DRC11: variants seen among roughly 807,000 people sequenced by gnomAD.
DRC11 encodes IQ and AAA domain-containing protein 1.
the DRC11 span, among the ~76,000 whole-genome samples, chr2:236,499,045 A>G: frequency 9.2e-5 from 14 of 152,186 alleles, no homozygotes; most frequent in African/African-American, 3.1e-4. The surrounding 1 kb of genome is among the most constrained non-coding windows in gnomAD (Gnocchi z 4.7). Context: ...GGGAGGGGGC[A>G]GCCCTAATCC....
the DRC11 span, among the ~76,000 whole-genome samples, chr2:236,359,498 T>C: frequency 6.6e-6 from 1 of 152,178 alleles, no homozygotes; most frequent in African/African-American, 2.4e-5. The surrounding 1 kb of genome is among the most constrained non-coding windows in gnomAD (Gnocchi z 4.3). Context: ...TTGCATTGTT[T>C]ACCCTCCCGA....
At chr2:236,369,422 T>C in the DRC11 span, among the ~76,000 whole-genome samples, 1 of 152,202 alleles carries the variant, frequency 6.6e-6, no homozygotes, top group Admixed American at 6.5e-5. The surrounding 1 kb of genome is among the most constrained non-coding windows in gnomAD (Gnocchi z 4.5). Flanking sequence ...TGGCTTCAGA[T>C]ACCACACTTT....
At chr2:236,465,732 A>G in the DRC11 span, 3 of 1,478,028 alleles carry the variant, frequency 2.0e-6, no homozygotes, top group Non-Finnish European at 2.8e-6. This position sits in a 1 kb window ranked among gnomAD's most constrained non-coding sequence, Gnocchi z 6.2. Flanking sequence ...TACAAGCAAC[A>G]AGGTTTGAGG....
At chr2:236,480,611 C>A in the DRC11 span, among the ~76,000 whole-genome samples, 1 of 152,158 alleles carries the variant, frequency 6.6e-6, no homozygotes, top group African/African-American at 2.4e-5. Flanking sequence ...ATTTCTCTGA[C>A]AAATTTCAAA....
the DRC11 span, among the ~76,000 whole-genome samples, chr2:236,362,383 GCCT>G: frequency 6.6e-6 from 1 of 152,010 alleles, no homozygotes; most frequent in Non-Finnish European, 1.5e-5. This position sits in a 1 kb window ranked among gnomAD's most constrained non-coding sequence, Gnocchi z 5.7. Flanking sequence ...CTTCTCCTCA[GCCT>G]CCTCAATGTG....
the DRC11 span, chr2:236,344,764 C>T: frequency 2.9e-6 from 2 of 695,342 alleles, no homozygotes; most frequent in East Asian, 5.4e-5. Context: ...CTGTGCTTCC[C>T]TCTGGGGTGT....
At chr2:236,338,155 G>C in the DRC11 span, 1 of 1,565,800 alleles carries the variant, frequency 6.4e-7, no homozygotes, top group Non-Finnish European at 8.7e-7. Flanking sequence ...GCACACAGTG[G>C]ACAGCCCAGC....
At chr2:236,465,994 C>T in the DRC11 span, among the ~76,000 whole-genome samples, 275 of 152,246 alleles carry the variant, frequency 1.8e-3, 1 homozygote, top group Middle Eastern at 3.4e-3. This position sits in a 1 kb window ranked among gnomAD's most constrained non-coding sequence, Gnocchi z 6.2. Flanking sequence ...ATTAAAAAAA[C>T]TCAATCTGAG....
At chr2:236,311,878 T>A in the DRC11 span, among the ~76,000 whole-genome samples, 1 of 151,944 alleles carries the variant, frequency 6.6e-6, no homozygotes, top group Non-Finnish European at 1.5e-5. This position sits in a 1 kb window ranked among gnomAD's most constrained non-coding sequence, Gnocchi z 6.9. Context: ...GCAGGTGGGG[T>A]TTGCAGAGGA....
At chr2:236,459,597 A>ATATACGTATATATGTATATACG in the DRC11 span, among the ~76,000 whole-genome samples, 1 of 135,322 alleles carries the variant, frequency 7.4e-6, no homozygotes, top group African/African-American at 2.8e-5. Context: ...ACGTATACGT[A>ATATACGTATATATGTATATACG]TACATATATA....
chr2:236,409,794 A>T, the DRC11 span, among the ~76,000 whole-genome samples: 1 of 151,996 alleles, frequency 6.6e-6, no homozygotes, highest in South Asian at 2.1e-4. Context: ...TCAATACCTA[A>T]TTTATTGAGA....
chr2:236,363,836 C>A, the DRC11 span: 1 of 1,613,958 alleles, frequency 6.2e-7, no homozygotes, highest in Non-Finnish European at 8.5e-7. This position sits in a 1 kb window ranked among gnomAD's most constrained non-coding sequence, Gnocchi z 5.6. Context: ...TATTTCCCAG[C>A]AATGTTAGAG....
chr2:236,469,209 A>G, the DRC11 span, among the ~76,000 whole-genome samples: 3 of 151,774 alleles, frequency 2.0e-5, no homozygotes, highest in Admixed American at 6.6e-5. This position sits in a 1 kb window ranked among gnomAD's most constrained non-coding sequence, Gnocchi z 5.8. Context: ...ACTTTTATTT[A>G]TTTATTTAGT....
At chr2:236,420,035 G>A in the DRC11 span, among the ~76,000 whole-genome samples, 1 of 152,146 alleles carries the variant, frequency 6.6e-6, no homozygotes, top group Non-Finnish European at 1.5e-5. The surrounding 1 kb of genome is among the most constrained non-coding windows in gnomAD (Gnocchi z 4.8). Flanking sequence ...AGCTGCATAA[G>A]CTCTCTGAGA....
the DRC11 span, among the ~76,000 whole-genome samples, chr2:236,352,252 T>G: frequency 6.6e-6 from 1 of 150,836 alleles, no homozygotes; most frequent in African/African-American, 2.4e-5. This position sits in a 1 kb window ranked among gnomAD's most constrained non-coding sequence, Gnocchi z 7.0. Flanking sequence ...AATGAGGAGG[T>G]CACTGGTGGC....
At chr2:236,352,320 C>T in the DRC11 span, among the ~76,000 whole-genome samples, 1 of 152,010 alleles carries the variant, frequency 6.6e-6, no homozygotes, top group South Asian at 2.1e-4. The surrounding 1 kb of genome is among the most constrained non-coding windows in gnomAD (Gnocchi z 7.0). Flanking sequence ...TTCACAAAGA[C>T]GGGCAGACAG....
At chr2:236,502,858 G>A in the DRC11 span, among the ~76,000 whole-genome samples, 1 of 151,374 alleles carries the variant, frequency 6.6e-6, no homozygotes. Context: ...AAGAGGCTGA[G>A]ATGGGAGACT....
chr2:236,438,389 T>C, the DRC11 span, among the ~76,000 whole-genome samples: 7 of 147,734 alleles, frequency 4.7e-5, no homozygotes, highest in Admixed American at 3.4e-4. Flanking sequence ...TGCCTCCAGC[T>C]TTGTTCTTTT....
the DRC11 span, among the ~76,000 whole-genome samples, chr2:236,376,126 A>G: frequency 6.6e-6 from 1 of 152,200 alleles, no homozygotes; most frequent in Non-Finnish European, 1.5e-5. This position sits in a 1 kb window ranked among gnomAD's most constrained non-coding sequence, Gnocchi z 5.7. Context: ...CCCAGTGGGA[A>G]ACACTGACAG....
Sources: gnomAD v4.1 joint callset for allele counts (sites outside exome capture counted in the v4.1 genomes callset) on GRCh38, gnomAD v4.1.1 for gene constraint, Gnocchi (gnomAD v3.1) non-coding constraint, MANE v1.5 for transcripts, NCBI Gene and HGNC (gene_info 2026-07-23, HGNC 2026-07-21) for gene names.